NME9: variants seen among roughly 807,000 people sequenced by gnomAD.
NME9 encodes thioredoxin domain-containing protein 6.
NME9 carries 48 observed loss-of-function variants against 44.4 expected under a neutral mutation model. That is an observed-to-expected ratio of 1.08 (90% CI 0.86 to 1.37). NME9 has a LOEUF of 1.37. NME9 is among the 40% of genes most tolerant of loss of function. NME9 has a pLI of 0.00. For missense variants in NME9, 325 were observed against 405.2 expected, an observed-to-expected ratio of 0.80 and a Z score of 1.70; for synonymous variants, 139 against 147.1, an observed-to-expected ratio of 0.94 and a Z score of 0.40.
intron 6 of NME9, among the ~76,000 whole-genome samples, chr3:138,311,953 A>G (rs1268434162): frequency 6.6e-6 from 1 of 152,240 alleles, no homozygotes; most frequent in Non-Finnish European, 1.5e-5. Flanking sequence ...CCCGTAGCAT[A>G]TGTATATACC....
At chr3:138,281,098 C>G (rs1223042802) in intron 8 of NME9, among the ~76,000 whole-genome samples, 2 of 152,070 alleles carry the variant, frequency 1.3e-5, no homozygotes, top group Non-Finnish European at 2.9e-5. Flanking sequence ...TAAAAATTAC[C>G]AAAAGAGACA....
intron 6 of NME9, among the ~76,000 whole-genome samples, chr3:138,307,408 AATC>A (rs1237044182): frequency 1.3e-5 from 2 of 152,216 alleles, no homozygotes; most frequent in African/African-American, 2.4e-5. Context: ...CTCTCCACAG[AATC>A]ATCATTCTCC....
At chr3:138,295,974 A>G in intron 8 of NME9, 1 of 1,484,218 alleles carries the variant, frequency 6.7e-7, no homozygotes, top group Non-Finnish European at 9.3e-7. Flanking sequence ...GATTCCTTCT[A>G]TTTGCACAAG....
chr3:138,310,957 A>C (rs2052660542), intron 6 of NME9, among the ~76,000 whole-genome samples: 1 of 152,186 alleles, frequency 6.6e-6, no homozygotes, highest in Non-Finnish European at 1.5e-5. Flanking sequence ...ACAGAAGATC[A>C]ATGAAGCAAA....
At chr3:138,263,245 T>C (rs759867269) in intron 8 of NME9, among the ~76,000 whole-genome samples, 20 of 152,256 alleles carry the variant, frequency 1.3e-4, no homozygotes, top group Non-Finnish European at 2.2e-4. Context: ...CTTCGTGCTA[T>C]AGTGAAAGAT....
intron 1 of NME9, among the ~76,000 whole-genome samples, chr3:138,328,723 A>G (rs1005410177): frequency 6.6e-6 from 1 of 152,182 alleles, no homozygotes; most frequent in Non-Finnish European, 1.5e-5. Flanking sequence ...CAAGAAGAAG[A>G]GCAGCTGCTG....
intron 8 of NME9, among the ~76,000 whole-genome samples, chr3:138,291,369 T>C (rs2050932268): frequency 6.6e-6 from 1 of 152,220 alleles, no homozygotes; most frequent in African/African-American, 2.4e-5. Flanking sequence ...GTAGCACACC[T>C]TCGTGCATTT....
chr3:138,311,947 T>C (rs2108444439), intron 6 of NME9, among the ~76,000 whole-genome samples: 1 of 152,266 alleles, frequency 6.6e-6, no homozygotes, highest in South Asian at 2.1e-4. Context: ...CAAAAACCCG[T>C]AGCATATGTA....
chr3:138,307,541 T>C (rs139297343), intron 6 of NME9, among the ~76,000 whole-genome samples: 105 of 152,340 alleles, frequency 6.9e-4, no homozygotes, highest in African/African-American at 2.4e-3. Context: ...TGCAAATGTA[T>C]AAATCATTTC....
chr3:138,324,740 AT>A, intron 2 of NME9, 132 bp downstream of exon 2: 63 of 586,856 alleles, frequency 1.1e-4, no homozygotes, highest in Middle Eastern at 1.1e-3. Flanking sequence ...ACACACACAC[AT>A]CACCTGGTTT....
chr3:138,323,680 G>C (rs1560133723), intron 2 of NME9, among the ~76,000 whole-genome samples: 1 of 152,224 alleles, frequency 6.6e-6, no homozygotes, highest in Non-Finnish European at 1.5e-5. Flanking sequence ...CATCTGGCTT[G>C]AATGGGCTTG....
intron 8 of NME9, among the ~76,000 whole-genome samples, chr3:138,270,603 C>CA (rs1314618496): frequency 2.0e-5 from 3 of 152,006 alleles, no homozygotes; most frequent in African/African-American, 7.2e-5. Context: ...TAAAGTACAA[C>CA]ATGATGTTTT....
intron 8 of NME9, chr3:138,290,421 G>A (rs980352547): frequency 2.9e-6 from 2 of 687,262 alleles, no homozygotes; most frequent in African/African-American, 1.8e-5. Context: ...GGAGAGGGTA[G>A]AGGACAAGGG....
chr3:138,267,401 A>G (rs376958985), intron 8 of NME9, among the ~76,000 whole-genome samples: 2 of 152,234 alleles, frequency 1.3e-5, no homozygotes, highest in East Asian at 3.8e-4. Flanking sequence ...TAAATCATTC[A>G]TTTTAAAGTA....
intron 8 of NME9, among the ~76,000 whole-genome samples, chr3:138,268,799 A>T (rs1252575461): frequency 6.6e-6 from 1 of 152,142 alleles, no homozygotes; most frequent in Non-Finnish European, 1.5e-5. Context: ...TAAAAAAAAA[A>T]TAGATTCTGA....
At chr3:138,264,619 C>T (rs1421096736) in intron 8 of NME9, among the ~76,000 whole-genome samples, 4 of 151,396 alleles carry the variant, frequency 2.6e-5, no homozygotes, top group Admixed American at 6.6e-5. Flanking sequence ...GGGGTTTCAC[C>T]ATATTGGTCA....
chr3:138,301,189 CTCTT>C lies in NME9; in HGVS notation c.*447_*450del. 1.2e-6 allele frequency: 1 copy of C among 851,778 alleles called. No homozygotes were observed. The highest frequency in any genetic ancestry group is 1.4e-6 in the Non-Finnish European group (1 of 708,434). 52.8% of individuals were successfully genotyped at this position (851,778 alleles called of 1,614,324 possible). ...ATAAGGCAGAAAAGTATATACTATT[CTCTT>C]TCTTTACTTTTTTTTTTATTATTAT... On this transcript the variant is annotated 3_prime_UTR_variant, in exon 11 of 11. Transcript: ENST00000333911.
intron 8 of NME9, among the ~76,000 whole-genome samples, chr3:138,289,720 A>C (rs2050762392): frequency 6.6e-6 from 1 of 152,144 alleles, no homozygotes; most frequent in Admixed American, 6.5e-5. Flanking sequence ...AGATGATTCC[A>C]ATATATAGCC....
rs111417187 is a variant in NME9 at position 138,280,051 on chromosome 3, G to A, written c.746-17465C>T. Among the ~76,000 whole-genome samples the A allele has an allele frequency of 4.6e-5, 7 of 151,140 alleles. No homozygotes were observed. The South Asian group carries it at 1.5e-3, about 32-fold the overall frequency. On this transcript the variant is annotated intron_variant, in intron 8 of 8. Coordinates refer to the NME9 transcript ENST00000317876. ...CCCAAGTAGCTGGGATTACAGGCAC[G>A]TGTCACCACACCCTGCTAATTTTTG...
Sources: gnomAD v4.1 joint callset for allele counts (sites outside exome capture counted in the v4.1 genomes callset) on GRCh38, gnomAD v4.1.1 for gene constraint, MANE v1.5 for transcripts, NCBI Gene and HGNC (gene_info 2026-07-23, HGNC 2026-07-21) for gene names.